The following DOCK4 variants were observed in gnomAD, a reference collection of about 807,000 sequenced individuals.
The protein encoded by DOCK4 is dedicator of cytokinesis 4.
A neutral mutation model predicts 268.1 loss-of-function variants in DOCK4; 97 were observed. The ratio of observed to expected loss-of-function variants is 0.36; its 90% confidence interval spans 0.31 to 0.43. The LOEUF (loss-of-function observed/expected upper bound fraction) is 0.43. Among genes scored for constraint, DOCK4 ranks in the 20% least tolerant of loss-of-function variants. The pLI, the probability that DOCK4 is intolerant of heterozygous loss-of-function variation, is 1.00. For synonymous variants in DOCK4, 954 were observed against 887.2 expected (o/e 1.08, Z -1.34); for missense variants, 2,145 against 2,455.7 (o/e 0.87, Z 2.67).
chr7:112,186,786 A>C lies in DOCK4; in HGVS notation c.37+19316T>G, dbSNP rs545406981. Among the ~76,000 whole-genome samples the C allele has an allele frequency of 1.9e-4, 29 of 152,238 alleles. No individual in the cohort carries two copies. In the South Asian group the frequency reaches 6.0e-3, roughly 32 times the overall value. On this transcript the variant is annotated intron_variant, in intron 1 of 52. Coordinates refer to ENST00000428084, the MANE Select transcript of DOCK4 (RefSeq NM_001363540.2). ...TATGCCACATAATTTTCCTATGGGG[A>C]AACATTAAAACAAAACATGTCAGTT...
chr7:111,962,053 C>T lies in DOCK4; in HGVS notation c.701+15079G>A, dbSNP rs1018638840. 3.9e-5 allele frequency among the ~76,000 whole-genome samples: 6 copies of T among 151,966 alleles called. No individual in the cohort carries two copies. In the East Asian group the frequency reaches 5.8e-4, roughly 15 times the overall value. On this transcript the variant is annotated intron_variant, in intron 8 of 52. Coordinates refer to ENST00000428084, the MANE Select transcript of DOCK4 (RefSeq NM_001363540.2). ...AAGAAATTTTGTCATATTTTCTTCACATATTTTGTCATATTTTCTCCTTTT... is the reference window on the plus strand; with the variant it reads ...AAGAAATTTTGTCATATTTTCTTCATATATTTTGTCATATTTTCTCCTTTT...
chr7:112,012,469 C>G (rs1801416536), intron 1 of DOCK4, among the ~76,000 whole-genome samples: 1 of 152,108 alleles, frequency 6.6e-6, no homozygotes, highest in Admixed American at 6.5e-5. Context: ...ATTCATTCTG[C>G]ACAACAGTAT....
Position 111,769,666 on chromosome 7 carries a change from T to C in DOCK4, c.3691A>G (p.Thr1231Ala). 1 of 1,613,186 alleles carries C rather than the reference T, an allele frequency of 6.2e-7. No homozygotes were observed. The highest frequency in any genetic ancestry group is 8.5e-7 in the Non-Finnish European group (1 of 1,179,568). Residue 1231 changes from threonine (T) to alanine (A), a missense_variant, in exon 37 of 53, where the codon ACC becomes GCC. By Grantham distance (58) the Thr-to-Ala change is moderately conservative. This residue lies in a region of DOCK4 where 1,598 missense variants were observed against 1,986.7 expected (regional missense o/e 0.80). Transcript: ENST00000428084. The part of the protein sequence containing the change: ...KAQNFTEAAY[T>A]LLLYDELLEW... ...AGTAGCTCGTCATATAAGAGGAGGG[T>C]ATATGCAGCTTCTGCAAGTCACGTG...
chr7:111,749,135 G>A (rs1254517329), intron 42 of DOCK4, among the ~76,000 whole-genome samples: 7 of 152,068 alleles, frequency 4.6e-5, no homozygotes, highest in Admixed American at 4.6e-4. Context: ...AGGTGCACAG[G>A]AGGCCTGCAG....
At position 111,872,470 on chromosome 7, in the gene DOCK4, TA is replaced by T. The variant is rs1298397273; in HGVS notation, c.1838del (p.Val613GlufsTer15). 1 of 1,588,796 alleles carries T rather than the reference TA, an allele frequency of 6.3e-7. No homozygotes were observed. Among genetic ancestry groups the T allele is most frequent in the Non-Finnish European group, 8.6e-7 (1 of 1,165,988 alleles). ...KLKEIDGSEI[V>X]KFLQDTLDTL... ...ATAGTAATGAAATACTATATACCTTTACTATCTCTGAGCCATCAATTTCTTT... is the reference window on the plus strand; with the variant it reads ...ATAGTAATGAAATACTATATACCTTTCTATCTCTGAGCCATCAATTTCTTT... On this transcript the variant is annotated frameshift_variant, in exon 18 of 53. Transcript: ENST00000428084. LOFTEE classifies it high-confidence loss of function.
intron 5 of DOCK4, among the ~76,000 whole-genome samples, chr7:111,991,961 C>CAAAAAAAAAAAAAAAAAAAAAAA (rs60667093): frequency 3.9e-5 from 2 of 50,916 alleles, no homozygotes; most frequent in African/African-American, 1.6e-4. Flanking sequence ...ACTCTGTCTC[C>CAAAAAAAAAAAAAAAAAAAAAAA]AAAAAAAAAA....
At chr7:111,781,102 A>G (rs1798760976) in intron 35 of DOCK4, among the ~76,000 whole-genome samples, 1 of 152,186 alleles carries the variant, frequency 6.6e-6, no homozygotes, top group African/African-American at 2.4e-5. Flanking sequence ...TTTTATACCA[A>G]TTGTGGAAAT....
rs1278082249 is a variant in DOCK4 at position 111,934,512 on chromosome 7, G to GTTTTGTTTTTGT, written c.1066+1016_1066+1027dup. Among the ~76,000 whole-genome samples, 210 of 100,674 alleles carry GTTTTGTTTTTGT rather than the reference G, an allele frequency of 2.1e-3. 4 individuals are homozygous for GTTTTGTTTTTGT. Among genetic ancestry groups the GTTTTGTTTTTGT allele is most frequent in the East Asian group, 5.7e-3 (22 of 3,836 alleles). The allele number at this position is 100,674 out of a possible 152,430, so 66.0% of individuals were successfully genotyped here. A position where few individuals can be genotyped will look rare whatever the true frequency, so the allele number is the denominator to read the frequency against. On this transcript the variant is annotated intron_variant, in intron 12 of 52. Coordinates refer to ENST00000428084, the MANE Select transcript of DOCK4 (RefSeq NM_001363540.2). ...AGCCATAGGCAGCGAAGCATGTTTT[G>GTTTTGTTTTTGT]TTTTGTTTTTGTTTTTTTTTTTTTT...
chr7:111,894,161 G>A (rs780319751), intron 16 of DOCK4, among the ~76,000 whole-genome samples: 64 of 151,178 alleles, frequency 4.2e-4, no homozygotes, highest in Middle Eastern at 3.4e-3. Context: ...GGCAGAGCTT[G>A]CAGTGAGTCA....
intron 1 of DOCK4, among the ~76,000 whole-genome samples, chr7:112,123,752 T>C (rs1475963445): frequency 6.6e-6 from 1 of 152,210 alleles, no homozygotes; most frequent in African/African-American, 2.4e-5. Flanking sequence ...CACATTCTTC[T>C]GCTATAACTC....
chr7:112,079,171 G>C (rs1294943659), intron 1 of DOCK4, among the ~76,000 whole-genome samples: 1 of 152,072 alleles, frequency 6.6e-6, no homozygotes, highest in Admixed American at 6.6e-5. Flanking sequence ...TAGCAGGCAG[G>C]AAGAATAAGG....
intron 26 of DOCK4, among the ~76,000 whole-genome samples, chr7:111,826,379 G>A (rs1802388920): frequency 6.6e-6 from 1 of 152,186 alleles, no homozygotes; most frequent in Non-Finnish European, 1.5e-5. Context: ...TGGAGACACT[G>A]AGGGGTATTA....
chr7:111,741,411 G>T, intron 46 of DOCK4, 129 bp downstream of exon 46: 1 of 1,427,238 alleles, frequency 7.0e-7, no homozygotes, highest in Non-Finnish European at 9.5e-7. Context: ...GTCTGCAGCT[G>T]CCTCGCGGGT....
At chr7:112,190,010 G>A (rs1369480844) in intron 1 of DOCK4, among the ~76,000 whole-genome samples, 1 of 152,006 alleles carries the variant, frequency 6.6e-6, no homozygotes, top group South Asian at 2.1e-4. Context: ...ACAAACACTT[G>A]TTTTCCTCTG....
chr7:112,154,341 T>C (rs1396827535), intron 1 of DOCK4, among the ~76,000 whole-genome samples: 1 of 152,132 alleles, frequency 6.6e-6, no homozygotes, highest in Non-Finnish European at 1.5e-5. Flanking sequence ...GAAGAAAGCA[T>C]AGGTCTGAGA....
intron 23 of DOCK4, among the ~76,000 whole-genome samples, chr7:111,854,256 C>T (rs1804822578): frequency 6.6e-6 from 1 of 152,198 alleles, no homozygotes; most frequent in Non-Finnish European, 1.5e-5. Context: ...AAAGATCAAC[C>T]CCTGACCTAA....
chr7:111,934,688 C>A (rs1794572781), intron 12 of DOCK4, among the ~76,000 whole-genome samples: 1 of 149,430 alleles, frequency 6.7e-6, no homozygotes, highest in African/African-American at 2.5e-5. Flanking sequence ...TGCCACCATG[C>A]CCGGCTAATT....
At chr7:112,171,532 T>C (rs1394192779) in intron 1 of DOCK4, among the ~76,000 whole-genome samples, 1 of 152,104 alleles carries the variant, frequency 6.6e-6, no homozygotes, top group Non-Finnish European at 1.5e-5. Flanking sequence ...TAATGTTACA[T>C]AGGTGTACTC....
chr7:112,040,402 T>C (rs1470325563), intron 1 of DOCK4, among the ~76,000 whole-genome samples: 1 of 152,172 alleles, frequency 6.6e-6, no homozygotes, highest in East Asian at 1.9e-4. Flanking sequence ...TTAACAAGGA[T>C]GTTGTAGGAG....
Sources: allele counts gnomAD v4.1 joint callset (sites outside exome capture counted in the v4.1 genomes callset), GRCh38; gene constraint gnomAD v4.1.1; regional missense constraint gnomAD v4.1.1; transcripts MANE v1.5; gene names NCBI Gene and HGNC (gene_info 2026-07-23, HGNC 2026-07-21).